Variants in BBS9 observed in about 807,000 individuals in gnomAD.
BBS9 encodes Bardet-Biedl syndrome 9.
Under a neutral mutation model 117.7 loss-of-function variants are expected in BBS9, and 89 were observed. That is an observed-to-expected ratio of 0.76 (90% CI 0.64 to 0.90). The LOEUF (loss-of-function observed/expected upper bound fraction) is 0.90. Ranked by LOEUF, BBS9 falls within the 40% of genes least tolerant of loss-of-function variation. BBS9 has a pLI of 0.00. For synonymous variants in BBS9, 379 were observed against 370.9 expected (o/e 1.02, Z -0.25); for missense variants, 982 against 1,042.2 (o/e 0.94, Z 0.80).
At chr7:33,387,840 A>G in intron 18 of BBS9, 152 bp from the exon 19 acceptor site, 3 of 861,132 alleles carry the variant, frequency 3.5e-6, no homozygotes, top group Non-Finnish European at 5.4e-6. Context: ...TGATTCATGT[A>G]CCAAATACCA....
intron 9 of BBS9, chr7:33,314,427 C>T: frequency 4.2e-6 from 1 of 237,354 alleles, no homozygotes; most frequent in South Asian, 4.9e-5. Flanking sequence ...TTGGTATTGC[C>T]CACTTTTGGC....
intron 12 of BBS9, among the ~76,000 whole-genome samples, chr7:33,345,672 G>A (rs1305537755): frequency 1.3e-5 from 2 of 152,098 alleles, no homozygotes; most frequent in African/African-American, 4.8e-5. Context: ...TAATACTTCC[G>A]AATCTGGAAA....
chr7:33,142,507 A>T (rs775778676), intron 1 of BBS9, among the ~76,000 whole-genome samples: 4 of 152,244 alleles, frequency 2.6e-5, no homozygotes, highest in Non-Finnish European at 4.4e-5. Flanking sequence ...ATAGTTCAGT[A>T]ATGGTAAGTA....
chr7:33,292,102 T>C (rs1416194263), intron 9 of BBS9, among the ~76,000 whole-genome samples: 1 of 152,150 alleles, frequency 6.6e-6, no homozygotes, highest in Non-Finnish European at 1.5e-5. Flanking sequence ...GATGAAGAGA[T>C]TAATGAAAGA....
Position 33,403,401 on chromosome 7 carries a change from G to C in BBS9, c.2115+15257G>C, listed in dbSNP as rs79934915. On this transcript the variant is annotated intron_variant, in intron 19 of 22. Coordinates refer to ENST00000242067, the MANE Select transcript of BBS9 (RefSeq NM_198428.3). ...ACATATGTATACATGTGCCATGCTGGTGTGCTGCACCCATTAACTCGTCAT... is the reference window on the plus strand; with the variant it reads ...ACATATGTATACATGTGCCATGCTGCTGTGCTGCACCCATTAACTCGTCAT... 0.019 allele frequency among the ~76,000 whole-genome samples: 2,849 copies of C among 150,232 alleles called. 190 individuals carry two copies. In the East Asian group the frequency reaches 0.25, roughly 13 times the overall value.
At chr7:33,223,325 T>G (rs954901759) in intron 5 of BBS9, among the ~76,000 whole-genome samples, 6 of 152,040 alleles carry the variant, frequency 3.9e-5, no homozygotes, top group African/African-American at 9.7e-5. Context: ...TAAAATAGAC[T>G]CTGTTTGCAA....
chr7:33,629,336 G>A (rs571944712), intron 21 of BBS9, among the ~76,000 whole-genome samples: 6 of 152,050 alleles, frequency 3.9e-5, no homozygotes, highest in East Asian at 1.9e-4. Context: ...TCTTGTGTGA[G>A]CTCATTTAAA....
At chr7:33,350,699 G>A (rs1295574304) in intron 13 of BBS9, among the ~76,000 whole-genome samples, 1 of 152,132 alleles carries the variant, frequency 6.6e-6, no homozygotes, top group East Asian at 1.9e-4. Flanking sequence ...TTGTTCTGGA[G>A]TTAATTCCTA....
At chr7:33,258,130 G>A (rs2128313835) in intron 6 of BBS9, among the ~76,000 whole-genome samples, 1 of 152,310 alleles carries the variant, frequency 6.6e-6, no homozygotes, top group Non-Finnish European at 1.5e-5. Flanking sequence ...GGGGAAAAGA[G>A]TAGAAATTCA....
intron 11 of BBS9, 152 bp downstream of exon 11, chr7:33,341,125 C>T: frequency 1.5e-6 from 1 of 686,614 alleles, no homozygotes. Context: ...TAGATAAAAA[C>T]ATTAGTAGCC....
At chr7:33,479,326 A>T (rs1185970202) in intron 19 of BBS9, among the ~76,000 whole-genome samples, 1 of 151,992 alleles carries the variant, frequency 6.6e-6, no homozygotes, top group Non-Finnish European at 1.5e-5. Flanking sequence ...CCTGTTGATA[A>T]ATAAGAACAT....
At chr7:33,466,183 T>C (rs937569421) in intron 19 of BBS9, among the ~76,000 whole-genome samples, 1 of 152,214 alleles carries the variant, frequency 6.6e-6, no homozygotes, top group Middle Eastern at 3.4e-3. Flanking sequence ...TCAACTCTCT[T>C]AGCAAATTTC....
At chr7:33,559,129 AT>A (rs900664201) in intron 21 of BBS9, among the ~76,000 whole-genome samples, 4 of 152,172 alleles carry the variant, frequency 2.6e-5, no homozygotes, top group African/African-American at 9.7e-5. Context: ...TTTGGTGAAA[AT>A]GATCATCAGC....
At chr7:33,383,418 CA>C (rs1425127723) in intron 17 of BBS9, among the ~76,000 whole-genome samples, 2 of 152,058 alleles carry the variant, frequency 1.3e-5, no homozygotes, top group Admixed American at 1.3e-4. Flanking sequence ...AGATATATAA[CA>C]AAAAGGACCA....
At chr7:33,530,449 T>C (rs1850401856) in intron 20 of BBS9, among the ~76,000 whole-genome samples, 1 of 152,216 alleles carries the variant, frequency 6.6e-6, no homozygotes, top group Admixed American at 6.5e-5. Context: ...TGAATGACAG[T>C]ATGAACTATT....
At chr7:33,473,181 C>A (rs971485255) in intron 19 of BBS9, among the ~76,000 whole-genome samples, 10 of 152,302 alleles carry the variant, frequency 6.6e-5, no homozygotes, top group South Asian at 4.1e-4. Flanking sequence ...GATAAATCTC[C>A]AAGTGCGATG....
At chr7:33,517,516 C>G (rs1032842386) in intron 20 of BBS9, among the ~76,000 whole-genome samples, 1 of 152,208 alleles carries the variant, frequency 6.6e-6, no homozygotes, top group African/African-American at 2.4e-5. Flanking sequence ...TATACACCAT[C>G]CTCCAGAGTT....
intron 2 of BBS9, among the ~76,000 whole-genome samples, 160 bp from the exon 3 acceptor site, chr7:33,152,539 CTT>C (rs1793499491): frequency 6.6e-6 from 1 of 152,176 alleles, no homozygotes; most frequent in Admixed American, 6.5e-5. Context: ...AATAAGTACT[CTT>C]TAATTACACC....
intron 5 of BBS9, among the ~76,000 whole-genome samples, chr7:33,244,829 T>C (rs1795086487): frequency 6.6e-6 from 1 of 152,204 alleles, no homozygotes; most frequent in African/African-American, 2.4e-5. Context: ...GAATCAAAAA[T>C]CACTGCCCTT....
Sources: allele counts gnomAD v4.1 joint callset (sites outside exome capture counted in the v4.1 genomes callset), GRCh38; gene constraint gnomAD v4.1.1; transcripts MANE v1.5; gene names NCBI Gene and HGNC (gene_info 2026-07-23, HGNC 2026-07-21).